The following PIP4K2A variants were observed in gnomAD, a reference collection of about 807,000 sequenced individuals.
The protein encoded by PIP4K2A is phosphatidylinositol 5-phosphate 4-kinase type-2 alpha.
In PIP4K2A, 14 loss-of-function variants were observed where a neutral mutation model predicts 42.9. The ratio of observed to expected loss-of-function variants is 0.33; its 90% CI spans 0.22 to 0.51. PIP4K2A has a LOEUF of 0.51. Among genes scored for constraint, PIP4K2A ranks in the 20% least tolerant of loss-of-function variants. PIP4K2A has a pLI of 0.97. For missense variants in PIP4K2A, 434 were observed against 519.8 expected (o/e 0.83, Z 1.61); for synonymous variants, 192 against 192.2 (o/e 1.00, Z 0.01).
intron 1 of PIP4K2A, among the ~76,000 whole-genome samples, chr10:22,680,814 C>T (rs545638619): frequency 3.3e-5 from 5 of 152,180 alleles, no homozygotes; most frequent in African/African-American, 9.6e-5. Context: ...CAAAATATGC[C>T]GGATTTTTAT....
chr10:22,626,853 TA>T (rs1440716960), intron 1 of PIP4K2A, among the ~76,000 whole-genome samples: 2 of 152,214 alleles, frequency 1.3e-5, no homozygotes, highest in African/African-American at 4.8e-5. Flanking sequence ...TCTTTTAGCC[TA>T]GTAAAAAACA....
intron 1 of PIP4K2A, among the ~76,000 whole-genome samples, chr10:22,665,627 T>TA (rs1839332020): frequency 7.8e-6 from 1 of 127,512 alleles, no homozygotes; most frequent in African/African-American, 3.1e-5. Context: ...TTTTTTTTTT[T>TA]AAGAAAAAAG....
chr10:22,571,014 A>C (rs553503341), intron 5 of PIP4K2A, among the ~76,000 whole-genome samples: 5 of 152,354 alleles, frequency 3.3e-5, no homozygotes, highest in African/African-American at 1.2e-4. Flanking sequence ...ACATGAAAGC[A>C]TAACATTAAA....
chr10:22,705,425 T>TAAAAAAAAAAAAAAAA (rs1833800596), intron 1 of PIP4K2A, among the ~76,000 whole-genome samples: 1 of 56,876 alleles, frequency 1.8e-5, no homozygotes, highest in Non-Finnish European at 3.2e-5. Context: ...AGTACCCCAG[T>TAAAAAAAAAAAAAAAA]TAAAAAAAAA....
Position 22,627,588 on chromosome 10 carries a change from T to TAAAAAAAAAA in PIP4K2A, c.145-17872_145-17871insTTTTTTTTTT, listed in dbSNP as rs1564448260. ...ATTTGTTTAACCAAAAGCTAATATG[T>TAAAAAAAAAA]AATAAAAAAAAAAAAAAAAAAAAAA... On this transcript the variant is annotated intron_variant, in intron 1 of 9. Coordinates refer to ENST00000376573, the MANE Select transcript of PIP4K2A (RefSeq NM_005028.5). Among the ~76,000 whole-genome samples, 30 of 38,956 alleles carry TAAAAAAAAAA rather than the reference T, an allele frequency of 7.7e-4. 4 individuals are homozygous for TAAAAAAAAAA. The highest frequency in any genetic ancestry group is 1.0e-3 in the African/African-American group (14 of 13,772). 25.6% of individuals were successfully genotyped at this position (38,956 alleles called of 152,430 possible). A position where few individuals can be genotyped will look rare whatever the true frequency, so the allele number is the denominator to read the frequency against.
chr10:22,659,931 C>T (rs1839170999), intron 1 of PIP4K2A, among the ~76,000 whole-genome samples: 1 of 152,092 alleles, frequency 6.6e-6, no homozygotes, highest in Non-Finnish European at 1.5e-5. Context: ...GCAGGGCTGG[C>T]TATCTTTAAT....
intron 1 of PIP4K2A, among the ~76,000 whole-genome samples, chr10:22,652,053 C>G (rs1162452338): frequency 6.6e-6 from 1 of 152,098 alleles, no homozygotes; most frequent in Non-Finnish European, 1.5e-5. Flanking sequence ...AGCCCTGTAA[C>G]TGATACAGTG....
At chr10:22,549,347 TTTTC>T (rs1308075662) in intron 7 of PIP4K2A, among the ~76,000 whole-genome samples, 2 of 151,630 alleles carry the variant, frequency 1.3e-5, no homozygotes, top group African/African-American at 4.8e-5. Flanking sequence ...GTCATTTTCT[TTTTC>T]TTTTTTTTTT....
At chr10:22,599,452 G>A (rs1481065372) in intron 3 of PIP4K2A, among the ~76,000 whole-genome samples, 1 of 152,132 alleles carries the variant, frequency 6.6e-6, no homozygotes, top group Non-Finnish European at 1.5e-5. Context: ...TCTTTCAAGT[G>A]CCCTAGCCTA....
chr10:22,714,136 A>G (rs1179589025), intron 1 of PIP4K2A, 47 bp downstream of exon 1: 2 of 1,547,726 alleles, frequency 1.3e-6, no homozygotes, highest in Non-Finnish European at 1.8e-6. Context: ...AACGAGGAGG[A>G]AGAGGAGGAG....
chr10:22,643,220 C>G (rs1459041317), intron 1 of PIP4K2A, among the ~76,000 whole-genome samples: 15 of 152,128 alleles, frequency 9.9e-5, no homozygotes, highest in Admixed American at 9.8e-4. Context: ...ACTCCCTTGT[C>G]TACAGTTTGC....
At chr10:22,610,939 G>A (rs554026359) in intron 1 of PIP4K2A, among the ~76,000 whole-genome samples, 6 of 152,248 alleles carry the variant, frequency 3.9e-5, no homozygotes, top group Non-Finnish European at 8.8e-5. Context: ...AGACAGCAAC[G>A]ACTAATTAAT....
At chr10:22,683,951 C>T (rs1017626825) in intron 1 of PIP4K2A, among the ~76,000 whole-genome samples, 7 of 152,010 alleles carry the variant, frequency 4.6e-5, no homozygotes, top group Non-Finnish European at 8.8e-5. Context: ...TTGCCCGGAA[C>T]GTTCCTGGCT....
intron 6 of PIP4K2A, among the ~76,000 whole-genome samples, chr10:22,561,382 C>A (rs544631982): frequency 1.3e-5 from 2 of 152,056 alleles, no homozygotes; most frequent in Non-Finnish European, 2.9e-5. Flanking sequence ...AAGCTACAAT[C>A]TAAGAAATGG....
At chr10:22,708,203 CCTT>C (rs1223036082) in intron 1 of PIP4K2A, among the ~76,000 whole-genome samples, 1 of 152,202 alleles carries the variant, frequency 6.6e-6, no homozygotes, top group Non-Finnish European at 1.5e-5. Context: ...CTCATTCACT[CCTT>C]AAGTCTTTAA....
chr10:22,685,014 T>G (rs1839734105), intron 1 of PIP4K2A, among the ~76,000 whole-genome samples: 1 of 152,170 alleles, frequency 6.6e-6, no homozygotes, highest in Non-Finnish European at 1.5e-5. Context: ...GAAACCGCAT[T>G]ACTGGTGACA....
intron 9 of PIP4K2A, among the ~76,000 whole-genome samples, chr10:22,539,060 G>A (rs1024386717): frequency 2.0e-5 from 3 of 152,274 alleles, no homozygotes; most frequent in Middle Eastern, 3.4e-3. Context: ...TGGGCTCTAT[G>A]GCTTTCAGGA....
At chr10:22,573,273 T>A in intron 5 of PIP4K2A, 38 bp downstream of exon 5, 1 of 1,582,248 alleles carries the variant, frequency 6.3e-7, no homozygotes, top group Non-Finnish European at 8.7e-7. Context: ...AAGAGTAAGC[T>A]TGAGTTACTT....
chr10:22,607,739 A>G (rs901435506), intron 3 of PIP4K2A, 188 bp downstream of exon 3: 31 of 428,070 alleles, frequency 7.2e-5, no homozygotes, highest in Middle Eastern at 1.0e-3. Flanking sequence ...TACCGGTATC[A>G]TATGTATAGA....
Sources: gnomAD v4.1 joint callset for allele counts (sites outside exome capture counted in the v4.1 genomes callset) on GRCh38, gnomAD v4.1.1 for gene constraint, MANE v1.5 for transcripts, NCBI Gene and HGNC (gene_info 2026-07-23, HGNC 2026-07-21) for gene names.